The following PLA2G4A variants were observed in gnomAD, a reference collection of about 807,000 sequenced individuals.
PLA2G4A encodes cytosolic phospholipase A2.
In PLA2G4A, 40 loss-of-function variants were observed where a neutral mutation model predicts 81.9. The observed-to-expected ratio is 0.49, with a 90% confidence interval of 0.38 to 0.64. PLA2G4A has a LOEUF of 0.64. Ranked by LOEUF, PLA2G4A falls within the 30% of genes least tolerant of loss-of-function variation. The pLI is 0.00. For missense variants in PLA2G4A, 715 were observed against 905.1 expected (o/e 0.79, Z 2.69); for synonymous variants, 302 against 296.9 (o/e 1.02, Z -0.18).
chr1:186,858,789 G>A (rs931427355), intron 2 of PLA2G4A, among the ~76,000 whole-genome samples: 7 of 151,860 alleles, frequency 4.6e-5, no homozygotes, highest in Non-Finnish European at 1.0e-4. Flanking sequence ...CCAACATCAG[G>A]CTTAGACAGC....
At chr1:186,851,986 A>G (rs1205579539) in intron 1 of PLA2G4A, among the ~76,000 whole-genome samples, 7 of 151,980 alleles carry the variant, frequency 4.6e-5, no homozygotes, top group Non-Finnish European at 1.0e-4. Flanking sequence ...AATACAACTT[A>G]TGGATAAATA....
chr1:186,882,932 A>C (rs2102085322), intron 3 of PLA2G4A, among the ~76,000 whole-genome samples: 1 of 152,180 alleles, frequency 6.6e-6, no homozygotes, highest in East Asian at 1.9e-4. Context: ...ACGGTTAGAA[A>C]AGATGACATC....
At chr1:186,943,338 T>A (rs1656224304) in intron 10 of PLA2G4A, among the ~76,000 whole-genome samples, 1 of 152,230 alleles carries the variant, frequency 6.6e-6, no homozygotes, top group Admixed American at 6.5e-5. Flanking sequence ...AACGTTCATT[T>A]AAAAATTTCC....
chr1:186,964,605 T>C (rs1657070400), intron 14 of PLA2G4A, among the ~76,000 whole-genome samples: 1 of 152,120 alleles, frequency 6.6e-6, no homozygotes. Flanking sequence ...CAGTGTAAGG[T>C]TTTCTTCTCA....
intron 2 of PLA2G4A, among the ~76,000 whole-genome samples, chr1:186,862,029 AAAT>A (rs1652821289): frequency 6.7e-6 from 1 of 150,110 alleles, no homozygotes; most frequent in Admixed American, 6.7e-5. Context: ...ATGAGTGTAG[AAAT>A]AATAAAAATA....
intron 8 of PLA2G4A, among the ~76,000 whole-genome samples, chr1:186,934,083 G>T (rs1655845758): frequency 6.6e-6 from 1 of 152,086 alleles, no homozygotes; most frequent in Non-Finnish European, 1.5e-5. Context: ...TCCCTTGAAG[G>T]AAAGAGCAGG....
In PLA2G4A at chr1:186,893,037, C is replaced by G; in HGVS notation, c.142C>G (p.Leu48Val). ...TGATACTCCAGATCCCTATGTGGAA[C>G]TTTTTATCTCTACAACCCCTGACAG... ...MLDTPDPYVE[L>V]FISTTPDSRK... The change falls in exon 4 of 18, where the codon CTT becomes GTT. Residue 48 changes from leucine to valine, a missense_variant. Transcript: ENST00000367466. 2 of 1,610,262 alleles carry G rather than the reference C, an allele frequency of 1.2e-6. No homozygotes were observed. Among genetic ancestry groups the G allele is most frequent in the Non-Finnish European group, 1.7e-6 (2 of 1,176,530 alleles).
At chr1:186,854,152 G>C in intron 1 of PLA2G4A, 134 bp from the exon 2 acceptor site, 1 of 520,350 alleles carries the variant, frequency 1.9e-6, no homozygotes, top group Non-Finnish European at 3.4e-6. Context: ...TAACCCATTC[G>C]TATACACAGG....
At position 186,888,514 on chromosome 1, in the gene PLA2G4A, G is replaced by A. The variant is rs190920484; in HGVS notation, c.116-4497G>A. Among the ~76,000 whole-genome samples the A allele has an allele frequency of 1.1e-4, 16 of 152,218 alleles. No homozygotes were observed. The East Asian group carries it at 1.2e-3, about 11-fold the overall frequency. On this transcript the variant is annotated intron_variant, in intron 3 of 17. Coordinates refer to ENST00000367466, the MANE Select transcript of PLA2G4A (RefSeq NM_024420.3). The stretch of plus-strand genomic sequence containing the variant: ...CTGAAAAGGCAATTTCCCCACCTAC[G>A]ATTTGACCTTATTTGTGTGTAATAA...
At chr1:186,978,000 A>G (rs1417800213) in intron 16 of PLA2G4A, among the ~76,000 whole-genome samples, 1 of 152,198 alleles carries the variant, frequency 6.6e-6, no homozygotes, top group Non-Finnish European at 1.5e-5. Flanking sequence ...CAGAAACTGC[A>G]AAGTCAACAA....
At chr1:186,964,024 C>A (rs1460946899) in intron 14 of PLA2G4A, among the ~76,000 whole-genome samples, 1 of 152,202 alleles carries the variant, frequency 6.6e-6, no homozygotes, top group Non-Finnish European at 1.5e-5. Context: ...ATTATTCTTA[C>A]TTAGAAATCT....
intron 10 of PLA2G4A, among the ~76,000 whole-genome samples, chr1:186,943,331 G>A (rs760453209): frequency 2.6e-5 from 4 of 152,186 alleles, no homozygotes; most frequent in Admixed American, 6.5e-5. Flanking sequence ...GACTTAAAAC[G>A]TTCATTTAAA....
chr1:186,853,720 A>G (rs1478141608), intron 1 of PLA2G4A, among the ~76,000 whole-genome samples: 1 of 151,898 alleles, frequency 6.6e-6, no homozygotes, highest in Admixed American at 6.6e-5. Flanking sequence ...GAAAGTATAG[A>G]GAGTATTTTT....
At chr1:186,946,316 C>A (rs1342021686) in intron 10 of PLA2G4A, among the ~76,000 whole-genome samples, 1 of 152,080 alleles carries the variant, frequency 6.6e-6, no homozygotes, top group East Asian at 1.9e-4. Flanking sequence ...ATCTAGTTAG[C>A]AGTTTTCAGT....
intron 15 of PLA2G4A, among the ~76,000 whole-genome samples, chr1:186,970,711 G>T (rs2102284747): frequency 6.6e-6 from 1 of 152,030 alleles, no homozygotes; most frequent in South Asian, 2.1e-4. Context: ...CAAATGAGTT[G>T]AACTGCAATG....
chr1:186,986,836 T>G (rs1325794499), intron 17 of PLA2G4A, among the ~76,000 whole-genome samples: 1 of 152,248 alleles, frequency 6.6e-6, no homozygotes, highest in African/African-American at 2.4e-5. Flanking sequence ...TGTTTGTGCC[T>G]GGTAGCCTTT....
At chr1:186,864,235 A>T (rs1413083291) in intron 2 of PLA2G4A, among the ~76,000 whole-genome samples, 1 of 151,916 alleles carries the variant, frequency 6.6e-6, no homozygotes, top group African/African-American at 2.4e-5. Flanking sequence ...CATCTTGATT[A>T]TTGTGAATGA....
intron 16 of PLA2G4A, 124 bp from the exon 17 acceptor site, chr1:186,979,191 C>T (rs1657634530): frequency 2.7e-6 from 2 of 735,932 alleles, no homozygotes; most frequent in Non-Finnish European, 4.9e-6. Context: ...AGAGATGCTA[C>T]AGAGTACCTG....
chr1:186,970,720 TG>T (rs1360761493), intron 15 of PLA2G4A, among the ~76,000 whole-genome samples: 2 of 152,044 alleles, frequency 1.3e-5, no homozygotes, highest in African/African-American at 4.8e-5. Context: ...TGAACTGCAA[TG>T]GGTGGATTTA....
Sources: gnomAD v4.1 joint callset for allele counts (sites outside exome capture counted in the v4.1 genomes callset) on GRCh38, gnomAD v4.1.1 for gene constraint, MANE v1.5 for transcripts, NCBI Gene and HGNC (gene_info 2026-07-23, HGNC 2026-07-21) for gene names.